The following GCNA variants were observed in gnomAD, a reference collection of about 807,000 sequenced individuals.
GCNA encodes the protein germ cell nuclear acidic peptidase, also known as germ cell nuclear acidic protein.
GCNA carries 3 observed loss-of-function variants against 38.8 expected under a neutral mutation model. That is an observed-to-expected ratio of 0.08 (90% CI 0.04 to 0.20). The LOEUF is 0.20. Ranked by LOEUF, GCNA falls within the 10% of genes least tolerant of loss-of-function variation. The pLI is 1.00. For synonymous variants in GCNA, 195 were observed against 240.2 expected (o/e 0.81, Z 1.74); for missense variants, 446 against 578.6 (o/e 0.77, Z 2.35).
chrX:71,594,595 C>T, intron 5 of GCNA, 151 bp from the exon 6 acceptor site: 2 of 442,578 alleles, frequency 4.5e-6, no homozygotes, highest in Non-Finnish European at 7.6e-6. Flanking sequence ...CTCTGGGTTT[C>T]CTTACTTTTA....
chrX:71,604,165 C>T lies in GCNA; in HGVS notation c.888C>T (p.Asp296=), dbSNP rs762377668. The T allele has an allele frequency of 9.1e-6, 11 of 1,208,873 alleles. No homozygotes were observed. The highest frequency in any genetic ancestry group is 1.2e-5 in the Non-Finnish European group (11 of 894,852). The change falls in exon 8 of 13, where the codon GAC becomes GAT. Residue 296 remains aspartate, a synonymous_variant. Transcript: ENST00000373696. ...DDSSDDSEAS[D]DSSDDSEAPD... is the part of the protein sequence containing the mutation. ...GCAGTGATGATTCGGAAGCTTCCGA[C>T]GACAGCAGTGATGATTCGGAAGCTC... is the stretch of plus-strand genomic sequence containing the variant.
Position 71,609,162 on chromosome X carries a change from A to G in GCNA, c.1611+45A>G, listed in dbSNP as rs2040791688. 3 of 1,136,482 alleles carry G rather than the reference A, an allele frequency of 2.6e-6. No individual in the cohort carries two copies. The South Asian group carries it at 5.7e-5, about 22-fold the overall frequency. 93.7% of individuals were successfully genotyped at this position (1,136,482 alleles called of 1,213,427 possible). A position where few individuals can be genotyped will look rare whatever the true frequency, so the allele number is the denominator to read the frequency against. ...ACTGATTGAGCACCTGCTATACACCAGTACTCTTGGTGCTGTGAGGTGTGC... is the reference window on the plus strand; with the variant it reads ...ACTGATTGAGCACCTGCTATACACCGGTACTCTTGGTGCTGTGAGGTGTGC... On this transcript the variant is annotated intron_variant, in intron 10 of 12. Coordinates refer to ENST00000373696, the MANE Select transcript of GCNA (RefSeq NM_052957.5).
In GCNA at chrX:71,603,836, G is replaced by A; in HGVS notation, c.559G>A (p.Asp187Asn). Residue 187 changes from aspartate (D) to asparagine (N), a missense_variant, in exon 8 of 13, where the codon GAT (aspartate) becomes AAT (asparagine). This residue lies in a region of GCNA where 118 missense variants were observed against 122.8 expected (regional missense o/e 0.96). Coordinates refer to ENST00000373696, the MANE Select transcript of GCNA (RefSeq NM_052957.5). The stretch of plus-strand genomic sequence containing the variant: ...TCCCGACGACAATAGTGATGATTCG[G>A]ATGTTCCCGACGACAACAGTGATGA... ...EAPDDNSDDS[D>N]VPDDNSDDSS... 8.3e-7 allele frequency: 1 copy of A among 1,209,812 alleles called. No homozygotes were observed.
At chrX:71,586,712 C>T (rs1315828392) in intron 2 of GCNA, among the ~76,000 whole-genome samples, 1 of 110,882 alleles carries the variant, frequency 9.0e-6, no homozygotes, top group East Asian at 2.8e-4. Context: ...TGGGTTCAAG[C>T]GATTTTCCAG....
Position 71,579,371 on chromosome X carries a change from G to A in GCNA, c.-3+849G>A, listed in dbSNP as rs191297685. ...CGGTGTGGGGAGAAGTGGAGGCGCCGGTGGCCGCATTGAAGGTGGGGGTGC... is the reference window on the plus strand; with the variant it reads ...CGGTGTGGGGAGAAGTGGAGGCGCCAGTGGCCGCATTGAAGGTGGGGGTGC... On this transcript the variant is annotated intron_variant, in intron 1 of 12. Transcript: ENST00000373696. 5.5e-3 allele frequency among the ~76,000 whole-genome samples: 533 copies of A among 96,761 alleles called. 9 individuals carry two copies. Among genetic ancestry groups the A allele is most frequent in the African/African-American group, 0.02 (509 of 25,982 alleles). The allele number at this position is 96,761 out of a possible 115,157, so 84.0% of individuals were successfully genotyped here.
chrX:71,587,477 A>G (rs761128109), intron 2 of GCNA, among the ~76,000 whole-genome samples: 2 of 111,199 alleles, frequency 1.8e-5, no homozygotes, highest in Non-Finnish European at 3.8e-5. Flanking sequence ...TTTTGTCAAT[A>G]CTATTACAAG....
intron 7 of GCNA, among the ~76,000 whole-genome samples, chrX:71,601,923 T>C (rs770248750): frequency 1.8e-5 from 2 of 112,229 alleles, no homozygotes; most frequent in East Asian, 5.6e-4. Context: ...AACATAGGAG[T>C]GCAGATATCT....
intron 10 of GCNA, 57 bp downstream of exon 10, chrX:71,609,174 G>A (rs1484868109): frequency 9.1e-7 from 1 of 1,101,181 alleles, no homozygotes; most frequent in African/African-American, 1.8e-5. Context: ...TACTCTTGGT[G>A]CTGTGAGGTG....
At chrX:71,603,385 C>T (rs776607472) in intron 7 of GCNA, among the ~76,000 whole-genome samples, 2 of 112,224 alleles carry the variant, frequency 1.8e-5, no homozygotes, top group South Asian at 7.4e-4. Context: ...GACATTTTAA[C>T]AATATTGAGT....
At chrX:71,596,511 A>G (rs1453200343) in intron 6 of GCNA, among the ~76,000 whole-genome samples, 2 of 112,089 alleles carry the variant, frequency 1.8e-5, no homozygotes, top group Non-Finnish European at 3.8e-5. Flanking sequence ...ATTCCAGTGT[A>G]TAATATTATA....
At chrX:71,601,728 T>C (rs1473689841) in intron 7 of GCNA, among the ~76,000 whole-genome samples, 1 of 110,531 alleles carries the variant, frequency 9.0e-6, no homozygotes, top group African/African-American at 3.3e-5. Context: ...GTAGTTTTAG[T>C]AGAGATGGGG....
chrX:71,612,310 A>AAT, intron 11 of GCNA, 45 bp from the exon 12 acceptor site: 2 of 444,881 alleles, frequency 4.5e-6, no homozygotes, highest in Non-Finnish European at 7.5e-6. Context: ...AAAAAAAAAG[A>AAT]GGATTGGTTT....
rs1191395434 is a variant in GCNA at position 71,588,980 on chromosome X, A to G, written c.60-3142A>G. ...AGCCTCGAACTCTTGGGCTCAAGGG[A>G]TACTCTTGAGTAGCTGGGAGGATCC... On this transcript the variant is annotated intron_variant, in intron 2 of 12. Coordinates refer to ENST00000373696, the MANE Select transcript of GCNA (RefSeq NM_052957.5). 3.8e-5 allele frequency among the ~76,000 whole-genome samples: 4 copies of G among 104,092 alleles called. No individual in the cohort carries two copies. The East Asian group carries it at 1.2e-3, about 31-fold the overall frequency. 90.4% of individuals were successfully genotyped at this position (104,092 alleles called of 115,157 possible). A position where few individuals can be genotyped will look rare whatever the true frequency, so the allele number is the denominator to read the frequency against.
At chrX:71,610,915 C>T (rs1010812525) in intron 11 of GCNA, 96 bp downstream of exon 11, 80 of 1,106,248 alleles carry the variant, frequency 7.2e-5, no homozygotes, top group Middle Eastern at 3.4e-4. Flanking sequence ...TGTCACAGCT[C>T]GAACTGTCAT....
rs1275639924 is a variant in GCNA at position 71,604,360 on chromosome X, C to T, written c.1083C>T (p.Val361=). The T allele has an allele frequency of 8.3e-7, 1 of 1,210,676 alleles. No individual in the cohort carries two copies. Among genetic ancestry groups the T allele is most frequent in the African/African-American group, 1.7e-5 (1 of 57,376 alleles). ...EEELVEAAAA[V]SQHDSSDDAG... is the part of the protein sequence containing the mutation. ...AGCTGGTTGAGGCTGCTGCTGCTGT[C>T]TCCCAGCATGATTCATCTGATGATG... is the stretch of plus-strand genomic sequence containing the variant. Residue 361 remains valine, a synonymous_variant, in exon 8 of 13, where the codon GTC becomes GTT. Coordinates refer to ENST00000373696, the MANE Select transcript of GCNA (RefSeq NM_052957.5).
intron 1 of GCNA, 123 bp downstream of exon 1, chrX:71,578,645 C>A (rs1337693607): frequency 8.9e-6 from 1 of 112,659 alleles, no homozygotes; most frequent in East Asian, 2.8e-4. Context: ...CCGTGTAGGC[C>A]TGAGGTGGGA....
At chrX:71,586,539 A>C (rs1287065490) in intron 2 of GCNA, among the ~76,000 whole-genome samples, 1 of 111,562 alleles carries the variant, frequency 9.0e-6, no homozygotes, top group Admixed American at 9.5e-5. Flanking sequence ...ATTGACTGAG[A>C]TGGGTAGGGC....
At chrX:71,605,908 A>G (rs762158995) in intron 9 of GCNA, among the ~76,000 whole-genome samples, 179 bp downstream of exon 9, 45 of 111,834 alleles carry the variant, frequency 4.0e-4, no homozygotes, top group Non-Finnish European at 7.7e-4. Context: ...AATACTACCC[A>G]CTGGCTCCTT....
rs778584277 is a variant in GCNA at position 71,610,810 on chromosome X, G to A, written c.1741G>A (p.Asp581Asn). 6 of 1,211,558 alleles carry A rather than the reference G, an allele frequency of 5.0e-6. No individual in the cohort carries two copies. Among genetic ancestry groups the A allele is most frequent in the East Asian group, 3.0e-5 (1 of 33,834 alleles). ...GATCCAGATTGGCTTGAAAGTCTGC[G>A]ACTCTGCAGGTGATGGCAGGAGTGT... ...AKIQIGLKVC[D>N]SADRIRDTLI... The change falls in exon 11 of 13, where the codon GAC becomes AAC. Residue 581 changes from aspartate (D) to asparagine (N), a missense_variant. Around this residue, in one of 7 missense-constraint regions of GCNA, gnomAD observed 60 missense variants for 111.0 expected, o/e 0.54. Coordinates refer to ENST00000373696, the MANE Select transcript of GCNA (RefSeq NM_052957.5).
Sources: allele counts gnomAD v4.1 joint callset (sites outside exome capture counted in the v4.1 genomes callset), GRCh38; gene constraint gnomAD v4.1.1; regional missense constraint gnomAD v4.1.1; transcripts MANE v1.5; gene names NCBI Gene and HGNC (gene_info 2026-07-23, HGNC 2026-07-21).